CACNA1E: variants seen among roughly 807,000 people sequenced by gnomAD.
CACNA1E encodes calcium voltage-gated channel subunit alpha1 E, also known as voltage-dependent R-type calcium channel subunit alpha-1E.
CACNA1E carries 40 observed loss-of-function variants against 259.2 expected under a neutral mutation model. The ratio of observed to expected loss-of-function variants is 0.15; its 90% CI spans 0.12 to 0.20. The LOEUF (loss-of-function observed/expected upper bound fraction) is 0.20, where lower values mean the gene tolerates loss of function less well. Ranked by LOEUF, CACNA1E falls within the 10% of genes least tolerant of loss-of-function variation. The probability of loss-of-function intolerance (pLI) is 1.00; values close to 1 mark genes in which losing one functional copy is unlikely to be tolerated. For missense variants in CACNA1E, 1,874 were observed against 3,040.1 expected (o/e 0.62, Z 9.02); for synonymous variants, 1,104 against 1,138.5 (o/e 0.97, Z 0.61).
intron 7 of CACNA1E, among the ~76,000 whole-genome samples, chr1:181,706,682 GA>G (rs1488600418): frequency 6.6e-6 from 1 of 152,188 alleles, no homozygotes; most frequent in Non-Finnish European, 1.5e-5. Flanking sequence ...GGGCTGAAAT[GA>G]AATCCCTCTT....
At chr1:181,617,577 C>T (rs1655339800) in intron 6 of CACNA1E, among the ~76,000 whole-genome samples, 1 of 152,158 alleles carries the variant, frequency 6.6e-6, no homozygotes, top group African/African-American at 2.4e-5. Context: ...TCATGCCAAT[C>T]CCCCTATCAA....
chr1:181,670,947 T>A, intron 7 of CACNA1E, among the ~76,000 whole-genome samples: 1 of 152,258 alleles, frequency 6.6e-6, no homozygotes, highest in Non-Finnish European at 1.5e-5. Flanking sequence ...AGGTACAGAC[T>A]AATTTTTTAA....
intron 6 of CACNA1E, among the ~76,000 whole-genome samples, chr1:181,650,783 C>G (rs1658685326): frequency 1.3e-5 from 2 of 152,148 alleles, no homozygotes; most frequent in Admixed American, 6.5e-5. Context: ...TTGTTCTGGC[C>G]AGAGCCTTGC....
At chr1:181,618,715 G>T (rs1052785919) in intron 6 of CACNA1E, among the ~76,000 whole-genome samples, 2 of 152,224 alleles carry the variant, frequency 1.3e-5, no homozygotes, top group African/African-American at 4.8e-5. Context: ...GCTAGCCTGT[G>T]AATTTCAAAG....
chr1:181,773,004 T>C (rs1012549821), intron 37 of CACNA1E, among the ~76,000 whole-genome samples: 7 of 152,210 alleles, frequency 4.6e-5, no homozygotes, highest in African/African-American at 7.2e-5. Flanking sequence ...GCCAGTTTAG[T>C]GTTTCTGGTC....
intron 6 of CACNA1E, among the ~76,000 whole-genome samples, chr1:181,588,635 C>G (rs1035082870): frequency 6.6e-6 from 1 of 152,198 alleles, no homozygotes; most frequent in Non-Finnish European, 1.5e-5. Context: ...TTTCACACCA[C>G]GAACCAGGCC....
chr1:181,456,934 A>G (rs1246946664), intron 2 of CACNA1E, among the ~76,000 whole-genome samples: 1 of 152,228 alleles, frequency 6.6e-6, no homozygotes, highest in Non-Finnish European at 1.5e-5. Context: ...TGTAATTTTA[A>G]TCTTTAAGAC....
At chr1:181,650,691 T>C (rs541387595) in intron 6 of CACNA1E, among the ~76,000 whole-genome samples, 1 of 150,034 alleles carries the variant, frequency 6.7e-6, no homozygotes, top group East Asian at 1.9e-4. Context: ...GAATCCGGAA[T>C]ATGGATTTGC....
chr1:181,415,243 A>G (rs116774696), intron 2 of CACNA1E, among the ~76,000 whole-genome samples: 3,709 of 152,350 alleles, frequency 0.024, 68 homozygotes, highest in Non-Finnish European at 0.038. Flanking sequence ...TACTCAATGA[A>G]AAACTAGCTT....
intron 2 of CACNA1E, among the ~76,000 whole-genome samples, chr1:181,441,767 G>GT (rs2102298350): frequency 6.6e-6 from 1 of 152,294 alleles, no homozygotes; most frequent in East Asian, 1.9e-4. Context: ...GCGGGCAGCT[G>GT]TAAGTGTGTT....
chr1:181,579,967 T>C (rs750535401), intron 5 of CACNA1E, among the ~76,000 whole-genome samples: 30 of 152,230 alleles, frequency 2.0e-4, no homozygotes, highest in Non-Finnish European at 4.3e-4. Context: ...AATTCTCATA[T>C]CTTTGTATTT....
At chr1:181,505,440 C>G (rs972542529) in intron 1 of CACNA1E, among the ~76,000 whole-genome samples, 2 of 152,056 alleles carry the variant, frequency 1.3e-5, no homozygotes, top group African/African-American at 4.8e-5. Context: ...CGCACGATCT[C>G]AGCTCACTGC....
intron 2 of CACNA1E, among the ~76,000 whole-genome samples, chr1:181,477,301 C>T (rs1267535252): frequency 6.6e-6 from 1 of 152,178 alleles, no homozygotes; most frequent in Non-Finnish European, 1.5e-5. Context: ...GCTCTGTTGT[C>T]TCCCAGTACT....
chr1:181,501,425 A>G (rs890557483), intron 1 of CACNA1E, among the ~76,000 whole-genome samples: 35 of 152,340 alleles, frequency 2.3e-4, no homozygotes, highest in African/African-American at 7.5e-4. Flanking sequence ...CACTTTATCC[A>G]GAGGGCAGGG....
chr1:181,757,880 G>A, intron 30 of CACNA1E, 67 bp from the exon 31 acceptor site: 1 of 1,552,676 alleles, frequency 6.4e-7, no homozygotes, highest in Non-Finnish European at 8.8e-7. Flanking sequence ...TCTGAGCATG[G>A]AACAGAGCCT....
intron 7 of CACNA1E, among the ~76,000 whole-genome samples, chr1:181,691,975 GATACAAAATCCAT>G (rs1176228820): frequency 1.3e-5 from 2 of 152,056 alleles, no homozygotes; most frequent in Non-Finnish European, 2.9e-5. Flanking sequence ...GAAGTTTCAG[GATACAAAATCCAT>G]ATAAAATTCA....
chr1:181,325,109 T>C (rs538564957), intron 1 of CACNA1E, among the ~76,000 whole-genome samples: 13 of 152,180 alleles, frequency 8.5e-5, no homozygotes, highest in African/African-American at 2.2e-4. Context: ...GCTCCCCTTC[T>C]CCCTGCTACC....
chr1:181,710,863 C>T, intron 7 of CACNA1E, 91 bp from the exon 8 acceptor site: 1 of 912,550 alleles, frequency 1.1e-6, no homozygotes, highest in Non-Finnish European at 1.8e-6. Context: ...GAGGTACTTG[C>T]TCAGATGCTC....
chr1:181,713,208 A>T lies in CACNA1E; in HGVS notation c.1172-2130A>T, dbSNP rs886745189. On this transcript the variant is annotated intron_variant, in intron 8 of 47. Transcript: ENST00000367573. ...ATCTCGGCAGCACCACACACCTTCC[A>T]TCTGTCCTGGGGGGTCCCCAGATCT... Among the ~76,000 whole-genome samples, 3 of 152,130 alleles carry T rather than the reference A, an allele frequency of 2.0e-5. No individual in the cohort carries two copies. In the South Asian group the frequency reaches 6.2e-4, roughly 31 times the overall value.
Sources: allele counts gnomAD v4.1 joint callset (sites outside exome capture counted in the v4.1 genomes callset), GRCh38; gene constraint gnomAD v4.1.1; transcripts MANE v1.5; gene names NCBI Gene and HGNC (gene_info 2026-07-23, HGNC 2026-07-21).